The following ARHGAP15 variants were observed in gnomAD, a reference collection of about 807,000 sequenced individuals.
The protein encoded by ARHGAP15 is Rho GTPase activating protein 15.
In ARHGAP15, 51 loss-of-function variants were observed where a neutral mutation model predicts 63.7. That is an observed-to-expected ratio of 0.80 (90% CI 0.64 to 1.01). The LOEUF (loss-of-function observed/expected upper bound fraction) is 1.01. ARHGAP15 is among the 50% of genes least tolerant of loss of function. ARHGAP15 has a pLI of 0.00. For synonymous variants in ARHGAP15, 191 were observed against 193.8 expected, an observed-to-expected ratio of 0.99 and a Z score of 0.12; for missense variants, 560 against 564.6, an observed-to-expected ratio of 0.99 and a Z score of 0.08.
At chr2:143,643,470 ATACTT>A (rs1397747511) in intron 12 of ARHGAP15, among the ~76,000 whole-genome samples, 3 of 141,668 alleles carry the variant, frequency 2.1e-5, no homozygotes, top group African/African-American at 7.8e-5. Flanking sequence ...TACTGAAAGT[ATACTT>A]TAAAGACTGG....
chr2:143,365,794 G>T (rs1370023423), intron 6 of ARHGAP15, among the ~76,000 whole-genome samples: 1 of 152,128 alleles, frequency 6.6e-6, no homozygotes, highest in East Asian at 1.9e-4. Flanking sequence ...ACTCTGTGAA[G>T]TTACAACCAC....
intron 10 of ARHGAP15, among the ~76,000 whole-genome samples, chr2:143,528,525 A>G (rs1694380343): frequency 6.6e-6 from 1 of 152,128 alleles, no homozygotes; most frequent in African/African-American, 2.4e-5. Context: ...TGAAGACAGA[A>G]TACATGATTT....
intron 6 of ARHGAP15, among the ~76,000 whole-genome samples, chr2:143,331,390 T>G (rs1424562015): frequency 6.6e-6 from 1 of 152,188 alleles, no homozygotes; most frequent in African/African-American, 2.4e-5. Flanking sequence ...ATGCTGGTAC[T>G]TAACTATACA....
At chr2:143,598,084 T>C (rs912435164) in intron 11 of ARHGAP15, 1 of 152,084 alleles carries the variant, frequency 6.6e-6, no homozygotes, top group Non-Finnish European at 1.5e-5. Flanking sequence ...CATTGAGGGT[T>C]GTTTCCAACA....
chr2:143,218,547 T>C, intron 4 of ARHGAP15, among the ~76,000 whole-genome samples: 1 of 152,196 alleles, frequency 6.6e-6, no homozygotes, highest in East Asian at 1.9e-4. Flanking sequence ...GAATGTATAG[T>C]TGTGTATGTG....
At chr2:143,272,047 T>A (rs1369540376) in intron 6 of ARHGAP15, among the ~76,000 whole-genome samples, 3 of 152,226 alleles carry the variant, frequency 2.0e-5, no homozygotes, top group Admixed American at 6.5e-5. Flanking sequence ...TTCTTTTAAA[T>A]CGCCGGTCAT....
chr2:143,335,221 C>T (rs1023262790), intron 6 of ARHGAP15, among the ~76,000 whole-genome samples: 1 of 152,130 alleles, frequency 6.6e-6, no homozygotes, highest in Admixed American at 6.6e-5. Flanking sequence ...CTGATCTTGA[C>T]CTATAGCCAG....
At chr2:143,225,834 AG>A (rs1434742436) in intron 4 of ARHGAP15, among the ~76,000 whole-genome samples, 1 of 152,206 alleles carries the variant, frequency 6.6e-6, no homozygotes, top group African/African-American at 2.4e-5. Context: ...GGTTTACGCT[AG>A]GTATTCTAAA....
intron 11 of ARHGAP15, among the ~76,000 whole-genome samples, chr2:143,558,641 A>C (rs1365057504): frequency 6.6e-6 from 1 of 152,182 alleles, no homozygotes; most frequent in Admixed American, 6.5e-5. Context: ...TCATCCTTGT[A>C]TCTTTTCCCA....
At chr2:143,434,090 G>T (rs927658295) in intron 6 of ARHGAP15, among the ~76,000 whole-genome samples, 2 of 152,034 alleles carry the variant, frequency 1.3e-5, no homozygotes, top group African/African-American at 4.8e-5. Flanking sequence ...ACATAAAATA[G>T]GAGGCTGTTT....
chr2:143,646,841 A>G (rs2105288262), intron 12 of ARHGAP15, among the ~76,000 whole-genome samples: 2 of 152,152 alleles, frequency 1.3e-5, no homozygotes, highest in Non-Finnish European at 2.9e-5. Context: ...CAAATGATTA[A>G]GTGCTTGTCA....
chr2:143,217,852 TAGG>T (rs1288984102), intron 4 of ARHGAP15, among the ~76,000 whole-genome samples: 1 of 152,062 alleles, frequency 6.6e-6, no homozygotes, highest in East Asian at 1.9e-4. Context: ...TAGAGCTGAG[TAGG>T]AGAATAGAGG....
chr2:143,623,479 A>G (rs1698720451), intron 11 of ARHGAP15, among the ~76,000 whole-genome samples: 1 of 152,180 alleles, frequency 6.6e-6, no homozygotes, highest in Admixed American at 6.6e-5. Flanking sequence ...ACGTAGGCCA[A>G]CAGGGGTCTG....
At chr2:143,648,366 T>C (rs1680992866) in intron 12 of ARHGAP15, among the ~76,000 whole-genome samples, 1 of 152,072 alleles carries the variant, frequency 6.6e-6, no homozygotes, top group Non-Finnish European at 1.5e-5. Flanking sequence ...ATTAGGCAGA[T>C]CTAAGTGCTA....
At chr2:143,209,383 T>C (rs1326069339) in intron 3 of ARHGAP15, among the ~76,000 whole-genome samples, 1 of 152,134 alleles carries the variant, frequency 6.6e-6, no homozygotes, top group African/African-American at 2.4e-5. Flanking sequence ...AGTAAGAGCA[T>C]GTATATTAAT....
intron 10 of ARHGAP15, among the ~76,000 whole-genome samples, chr2:143,534,381 A>G (rs1574592358): frequency 6.6e-6 from 1 of 152,186 alleles, no homozygotes; most frequent in Admixed American, 6.5e-5. Context: ...TTATAGCAGT[A>G]TGAGCATGGG....
intron 10 of ARHGAP15, among the ~76,000 whole-genome samples, chr2:143,529,415 T>A (rs1240377594): frequency 6.6e-6 from 1 of 152,122 alleles, no homozygotes; most frequent in African/African-American, 2.4e-5. Flanking sequence ...TTTGTTCTTA[T>A]TTCTGCCCAG....
intron 1 of ARHGAP15, among the ~76,000 whole-genome samples, chr2:143,142,155 T>G (rs980569859): frequency 2.0e-5 from 3 of 152,132 alleles, no homozygotes; most frequent in Non-Finnish European, 4.4e-5. Flanking sequence ...AAAACATTGT[T>G]CAGGCCCAAC....
intron 6 of ARHGAP15, among the ~76,000 whole-genome samples, chr2:143,269,180 C>T (rs1187556365): frequency 6.6e-6 from 1 of 152,078 alleles, no homozygotes; most frequent in East Asian, 1.9e-4. Flanking sequence ...GCTTCTCAAA[C>T]TTTTCCATTA....
Sources: allele counts gnomAD v4.1 joint callset (sites outside exome capture counted in the v4.1 genomes callset), GRCh38; gene constraint gnomAD v4.1.1; transcripts MANE v1.5; gene names NCBI Gene and HGNC (gene_info 2026-07-23, HGNC 2026-07-21).